Variants in ROBO1 observed in about 807,000 individuals in gnomAD.
ROBO1 encodes roundabout homolog 1.
Under a neutral mutation model 195.9 loss-of-function variants are expected in ROBO1, and 149 were observed. That is an observed-to-expected ratio of 0.76 (90% CI 0.67 to 0.87). The LOEUF (loss-of-function observed/expected upper bound fraction) is 0.87. ROBO1 is among the 40% of genes least tolerant of loss of function. The pLI is 0.00. For synonymous variants in ROBO1, 816 were observed against 733.2 expected (o/e 1.11, Z -1.82); for missense variants, 1,933 against 2,068.3 (o/e 0.93, Z 1.27).
chr3:79,598,759 G>A, intron 1 of ROBO1, among the ~76,000 whole-genome samples: 1 of 151,922 alleles, frequency 6.6e-6, no homozygotes, highest in East Asian at 1.9e-4. Context: ...TACAACCTCA[G>A]CTGGTGCTCT....
intron 1 of ROBO1, among the ~76,000 whole-genome samples, chr3:79,606,669 A>C (rs769941671): frequency 8.6e-5 from 13 of 151,840 alleles, no homozygotes. Context: ...TCTCCTGCCC[A>C]CTGGTGACAT....
At chr3:79,430,346 T>C (rs1242254715) in intron 2 of ROBO1, among the ~76,000 whole-genome samples, 1 of 152,142 alleles carries the variant, frequency 6.6e-6, no homozygotes, top group African/African-American at 2.4e-5. Flanking sequence ...CAAACATTTA[T>C]AAGGATGCAG....
intron 14 of ROBO1, among the ~76,000 whole-genome samples, chr3:78,663,656 C>T (rs1306412999): frequency 1.3e-5 from 2 of 152,138 alleles, no homozygotes; most frequent in African/African-American, 4.8e-5. Context: ...CAGATGGTGG[C>T]ATCAAAGGCA....
intron 2 of ROBO1, among the ~76,000 whole-genome samples, chr3:79,294,293 C>T (rs896911964): frequency 2.0e-5 from 3 of 151,980 alleles, no homozygotes; most frequent in Admixed American, 6.5e-5. Flanking sequence ...GAAATAATGC[C>T]ACACATCTAC....
rs138830946 is a variant in ROBO1 at position 79,725,549 on chromosome 3, G to T, written c.-51+42203C>A. On this transcript the variant is annotated intron_variant, in intron 1 of 30. Transcript: ENST00000464233. ...CCCTCTCTTCTTACTTATATCTGCA[G>T]GAGATGCAGCCAACATGCAATGAAG... is the stretch of plus-strand genomic sequence containing the variant. Among the ~76,000 whole-genome samples, 24 of 152,226 alleles carry T rather than the reference G, an allele frequency of 1.6e-4. No individual in the cohort carries two copies. The East Asian group carries it at 4.6e-3, about 29-fold the overall frequency.
At chr3:78,854,998 A>G (rs1360374567) in intron 4 of ROBO1, among the ~76,000 whole-genome samples, 1 of 152,196 alleles carries the variant, frequency 6.6e-6, no homozygotes, top group Non-Finnish European at 1.5e-5. Flanking sequence ...AAGAACAAAC[A>G]AAAGGAAGGT....
chr3:79,677,007 G>C (rs1211871484), intron 1 of ROBO1, among the ~76,000 whole-genome samples: 1 of 152,016 alleles, frequency 6.6e-6, no homozygotes, highest in Non-Finnish European at 1.5e-5. Context: ...TAAGAAAGAT[G>C]TTAATTATTT....
intron 4 of ROBO1, among the ~76,000 whole-genome samples, chr3:78,766,967 C>T (rs1016121619): frequency 1.3e-5 from 2 of 152,120 alleles, no homozygotes; most frequent in Admixed American, 6.6e-5. Context: ...TGGTATGAAA[C>T]CCACTTGATC....
chr3:79,166,652 G>A (rs990566982), intron 2 of ROBO1, among the ~76,000 whole-genome samples: 1 of 149,500 alleles, frequency 6.7e-6, no homozygotes, highest in Admixed American at 6.7e-5. Context: ...TGCAAGCTCC[G>A]CCTCCCGGGT....
At position 79,018,800 on chromosome 3, in the gene ROBO1, T is replaced by C. The variant is rs557735381; in HGVS notation, c.173-79873A>G. 7.0e-4 allele frequency: 740 copies of C among 1,051,960 alleles called. 2 individuals carry two copies. Among genetic ancestry groups the C allele is most frequent in the Admixed American group, 3.0e-3 (65 of 21,398 alleles). 65.2% of individuals were successfully genotyped at this position (1,051,960 alleles called of 1,614,324 possible). A position where few individuals can be genotyped will look rare whatever the true frequency, so the allele number is the denominator to read the frequency against. On this transcript the variant is annotated intron_variant, in intron 3 of 30. Transcript: ENST00000464233. ...CCTGCCTCCACGGTCTTGCGGAGCC[T>C]CCCGGCGTGCGCCCCCACAATGTGC...
At chr3:79,120,921 G>A (rs2080105253) in intron 3 of ROBO1, among the ~76,000 whole-genome samples, 1 of 152,072 alleles carries the variant, frequency 6.6e-6, no homozygotes, top group Admixed American at 6.6e-5. Context: ...ACTATATAAT[G>A]TTTAATATTT....
At chr3:78,612,961 G>A (rs767121731) in intron 28 of ROBO1, among the ~76,000 whole-genome samples, 4 of 152,012 alleles carry the variant, frequency 2.6e-5, no homozygotes, top group Non-Finnish European at 5.9e-5. Flanking sequence ...ATAACTTGGA[G>A]GCATCATCAT....
At chr3:78,931,465 C>T (rs1340793299) in intron 4 of ROBO1, among the ~76,000 whole-genome samples, 5 of 151,846 alleles carry the variant, frequency 3.3e-5, no homozygotes, top group Admixed American at 1.3e-4. Flanking sequence ...AGGCTGGTGT[C>T]GAAGTCTTAA....
At chr3:79,127,647 T>C (rs1576709498) in intron 2 of ROBO1, among the ~76,000 whole-genome samples, 1 of 152,218 alleles carries the variant, frequency 6.6e-6, no homozygotes, top group African/African-American at 2.4e-5. Flanking sequence ...GGGATGAGGT[T>C]TGTGTACTTT....
intron 4 of ROBO1, among the ~76,000 whole-genome samples, chr3:78,913,850 CCTTTTATGTGTGCACATGGGAAGTA>C (rs1398615260): frequency 6.6e-6 from 1 of 152,044 alleles, no homozygotes; most frequent in Non-Finnish European, 1.5e-5. Context: ...AAGACAGAGC[CCTTTTATGTGTGCACATGGGAAGTA>C]CTTCTAGAGA....
chr3:79,631,358 C>A (rs1169398095), intron 1 of ROBO1, among the ~76,000 whole-genome samples: 2 of 151,888 alleles, frequency 1.3e-5, no homozygotes, highest in Non-Finnish European at 2.9e-5. Flanking sequence ...AGATCTTCAA[C>A]AAGATCAACA....
intron 2 of ROBO1, among the ~76,000 whole-genome samples, chr3:79,420,993 G>T (rs2038200727): frequency 6.6e-6 from 1 of 152,076 alleles, no homozygotes; most frequent in South Asian, 2.1e-4. Context: ...ATCATTGGTA[G>T]GCTGGATAAA....
chr3:78,897,628 T>TTA (rs1553759621), intron 4 of ROBO1, among the ~76,000 whole-genome samples: 1 of 152,000 alleles, frequency 6.6e-6, no homozygotes. Context: ...CTATCAGCCC[T>TTA]TTTTATTTAT....
chr3:79,052,965 A>T (rs960117825), intron 3 of ROBO1, among the ~76,000 whole-genome samples: 3 of 152,082 alleles, frequency 2.0e-5, no homozygotes, highest in Admixed American at 6.6e-5. Flanking sequence ...AAAACAGGGA[A>T]GTGTCCAGGT....
Sources: gnomAD v4.1 joint callset for allele counts (sites outside exome capture counted in the v4.1 genomes callset) on GRCh38, gnomAD v4.1.1 for gene constraint, MANE v1.5 for transcripts, NCBI Gene and HGNC (gene_info 2026-07-23, HGNC 2026-07-21) for gene names.